The following AGO1 variants were observed in gnomAD, a reference collection of about 807,000 sequenced individuals.
AGO1 encodes the protein protein argonaute-1.
A neutral mutation model predicts 109.2 loss-of-function variants in AGO1; 11 were observed. The observed-to-expected ratio is 0.10, with a 90% CI of 0.06 to 0.17. The LOEUF is 0.17. AGO1 is among the 10% of genes least tolerant of loss of function. The pLI, the probability that AGO1 is intolerant of heterozygous loss-of-function variation, is 1.00. For synonymous variants in AGO1, 422 were observed against 418.6 expected (o/e 1.01, Z -0.10); for missense variants, 574 against 1,140.3 (o/e 0.50, Z 7.15).
Position 35,915,408 on chromosome 1 carries a change from C to A in AGO1, c.1894C>A (p.Pro632Thr). 1 of 1,614,108 alleles carries A rather than the reference C, an allele frequency of 6.2e-7. No individual in the cohort carries two copies. Among genetic ancestry groups the A allele is most frequent in the Non-Finnish European group, 8.5e-7 (1 of 1,180,016 alleles). ...CTGTGCTACTGTGCGGGTACAGCGA[C>A]CACGGCAAGAGATCATTGAAGACTT... ...RYCATVRVQR[P>T]RQEIIEDLSY... Residue 632 changes from proline to threonine, a missense_variant, in exon 15 of 19, where the codon CCA becomes ACA. Physicochemically the swap from Pro to Thr is conservative, Grantham distance 38 (BLOSUM62 -1). Around this residue, in one of 8 missense-constraint regions of AGO1, gnomAD observed 68 missense variants for 200.2 expected, o/e 0.34. Coordinates refer to ENST00000373204, the MANE Select transcript of AGO1 (RefSeq NM_012199.5).
At chr1:35,910,943 G>A (rs1645621247) in intron 12 of AGO1, among the ~76,000 whole-genome samples, 2 of 152,184 alleles carry the variant, frequency 1.3e-5, no homozygotes, top group South Asian at 4.1e-4. Context: ...GCGGGCGCCT[G>A]TAATCCCAGC....
Position 35,901,295 on chromosome 1 carries a change from G to T in AGO1, c.1021-179G>T, listed in dbSNP as rs1268325448. On this transcript the variant is annotated intron_variant, in intron 8 of 18. Coordinates refer to ENST00000373204, the MANE Select transcript of AGO1 (RefSeq NM_012199.5). This position sits in a 1 kb window ranked among gnomAD's most constrained non-coding sequence, Gnocchi z 4.8. ...CTGAATCGCCTTTTACAATGCACAC[G>T]AATATTTTCTAATTTACCTATCAAA... Among the ~76,000 whole-genome samples the T allele has an allele frequency of 6.6e-6, 1 of 152,248 alleles. No homozygotes were observed. The highest frequency in any genetic ancestry group is 2.4e-5 in the African/African-American group (1 of 41,542).
chr1:35,869,927 A>G (rs1248414744), intron 1 of AGO1: 1 of 152,246 alleles, frequency 6.6e-6, no homozygotes, highest in Non-Finnish European at 1.5e-5. Flanking sequence ...TCCGGTGTGC[A>G]TTTTAAAGCA....
chr1:35,870,500 G>A (rs1266626892), intron 1 of AGO1, among the ~76,000 whole-genome samples: 1 of 151,992 alleles, frequency 6.6e-6, no homozygotes, highest in African/African-American at 2.4e-5. Context: ...AGCCAGGATG[G>A]TCTCGATCTC....
At chr1:35,874,580 A>G (rs529907006) in intron 1 of AGO1, among the ~76,000 whole-genome samples, 2 of 152,350 alleles carry the variant, frequency 1.3e-5, no homozygotes, top group South Asian at 4.1e-4. Flanking sequence ...AAGTAGGCCA[A>G]TTAATAACCC....
At chr1:35,903,705 C>G (rs1645464233) in intron 11 of AGO1, among the ~76,000 whole-genome samples, 1 of 151,882 alleles carries the variant, frequency 6.6e-6, no homozygotes, top group African/African-American at 2.4e-5. Context: ...TGGCTCCTGC[C>G]TGTAAACCCA....
chr1:35,919,738 C>A lies in AGO1; in HGVS notation c.*131C>A. 1.3e-6 allele frequency: 1 copy of A among 777,426 alleles called. No individual in the cohort carries two copies. 48.2% of individuals were successfully genotyped at this position (777,426 alleles called of 1,614,324 possible). On this transcript the variant is annotated 3_prime_UTR_variant, in exon 19 of 19. Transcript: ENST00000373204. The surrounding 1 kb of genome is among the most constrained non-coding windows in gnomAD (Gnocchi z 6.6). ...GGAGTGTAGGATGCCTTGTTTCCTT[C>A]TATAGAGGTGGTGTAAGAGTGGGGA...
intron 13 of AGO1, 66 bp downstream of exon 13, chr1:35,914,067 A>G: frequency 2.5e-6 from 4 of 1,605,358 alleles, no homozygotes; most frequent in Non-Finnish European, 3.4e-6. Flanking sequence ...AAGAGATAGG[A>G]CCCTGGCCAG....
rs1420492800 is a variant in AGO1, at chr1:35,922,736, C to T, written c.*3129C>T. ...CTGCAGAAGACCAAGAACCTGTTCCCCAAGCCCAGAGATGTCCACCTGGGC... is the reference window on the plus strand; with the variant it reads ...CTGCAGAAGACCAAGAACCTGTTCCTCAAGCCCAGAGATGTCCACCTGGGC... On this transcript the variant is annotated 3_prime_UTR_variant, in exon 19 of 19. Coordinates refer to ENST00000373204, the MANE Select transcript of AGO1 (RefSeq NM_012199.5). 6.6e-6 allele frequency: 1 copy of T among 152,308 alleles called. No homozygotes were observed. The highest frequency in any genetic ancestry group is 1.5e-5 in the Non-Finnish European group (1 of 68,136). The allele number at this position is 152,308 out of a possible 1,614,324, so 9.4% of individuals were successfully genotyped here. A position where few individuals can be genotyped will look rare whatever the true frequency, so the allele number is the denominator to read the frequency against.
Position 35,926,139 on chromosome 1 carries a change from TAAAG to T in AGO1, c.*6535_*6538del, listed in dbSNP as rs1645922504. ...TTTATGACTCCGAGTGAGGCAGAAA[TAAAG>T]AACTTAGCAGGGGGAATAGGAGGAG... On this transcript the variant is annotated 3_prime_UTR_variant, in exon 19 of 19. Transcript: ENST00000373204. The T allele has an allele frequency of 6.6e-6, 1 of 152,130 alleles. No homozygotes were observed. The highest frequency in any genetic ancestry group is 1.5e-5 in the Non-Finnish European group (1 of 68,020). 9.4% of individuals were successfully genotyped at this position (152,130 alleles called of 1,614,324 possible).
At position 35,919,800 on chromosome 1, in the gene AGO1, C is replaced by G; in HGVS notation, c.*193C>G. ...AAGACAGACCACCAGCCAGAAATCT[C>G]TGATATCAACCTCATGTCCCCCACC... On this transcript the variant is annotated 3_prime_UTR_variant, in exon 19 of 19. Coordinates refer to ENST00000373204, the MANE Select transcript of AGO1 (RefSeq NM_012199.5). The surrounding 1 kb of genome is among the most constrained non-coding windows in gnomAD (Gnocchi z 6.6). The G allele has an allele frequency of 1.7e-6, 1 of 579,856 alleles. No homozygotes were observed. The allele number at this position is 579,856 out of a possible 1,614,324, so 35.9% of individuals were successfully genotyped here.
In AGO1 at chr1:35,893,227, T is replaced by C. The variant is rs1225740432; in HGVS notation, c.461T>C (p.Leu154Ser). The C allele has an allele frequency of 6.2e-7, 1 of 1,613,986 alleles. No homozygotes were observed. Among genetic ancestry groups the C allele is most frequent in the South Asian group, 1.1e-5 (1 of 91,082 alleles). Reference protein sequence around the residue: ...ALVSGQIPVPLESVQALDVAM... With the variant: ...ALVSGQIPVPSESVQALDVAM... ...GTCAGCGGCCAGATCCCTGTTCCCT[T>C]GGAGTCTGTGCAAGCCCTGGATGTG... Residue 154 changes from leucine (L) to serine (S), a missense_variant, in exon 4 of 19, where the codon TTG becomes TCG. Coordinates refer to ENST00000373204, the MANE Select transcript of AGO1 (RefSeq NM_012199.5). This position sits in a 1 kb window ranked among gnomAD's most constrained non-coding sequence, Gnocchi z 5.6.
Position 35,923,730 on chromosome 1 carries a change from C to G in AGO1, c.*4123C>G, listed in dbSNP as rs1645875195. ...TGGGTTGGTGCTCTCCCTTACTCTA[C>G]TCATACTGACTTAGAGCCTCTGGCT... On this transcript the variant is annotated 3_prime_UTR_variant, in exon 19 of 19. Transcript: ENST00000373204. 1 of 152,578 alleles carries G rather than the reference C, an allele frequency of 6.6e-6. No homozygotes were observed. Among genetic ancestry groups the G allele is most frequent in the Admixed American group, 6.5e-5 (1 of 15,278 alleles). 9.5% of individuals were successfully genotyped at this position (152,578 alleles called of 1,614,324 possible).
At chr1:35,902,444 G>T in intron 11 of AGO1, 107 bp downstream of exon 11, 1 of 1,396,934 alleles carries the variant, frequency 7.2e-7, no homozygotes. Context: ...GTTCTGTCTT[G>T]ACTCTGCCTG....
Position 35,927,243 on chromosome 1 carries a change from T to G in AGO1, c.*7636T>G, listed in dbSNP as rs938122072. 1.2e-4 allele frequency: 18 copies of G among 152,318 alleles called. No individual in the cohort carries two copies. Among genetic ancestry groups the G allele is most frequent in the African/African-American group, 4.1e-4 (17 of 41,570 alleles). 9.4% of individuals were successfully genotyped at this position (152,318 alleles called of 1,614,324 possible). On this transcript the variant is annotated 3_prime_UTR_variant, in exon 19 of 19. Transcript: ENST00000373204. ...GAAATAGTTTATCAGTTATCTTCAA[T>G]TGCATATTACAAAATTCTGATTAAA... is the stretch of plus-strand genomic sequence containing the variant.
In AGO1 at chr1:35,919,562, C is replaced by T. The variant is rs367549238; in HGVS notation, c.2529C>T (p.Ala843=). Reference sequence around the variant, plus strand: ...GGGACCCCCAGGCCCTGGCCAAAGCCGTGCAGGTTCACCAGGATACTCTGC... The same window carrying T: ...GGGACCCCCAGGCCCTGGCCAAAGCTGTGCAGGTTCACCAGGATACTCTGC... ...NGRDPQALAK[A]VQVHQDTLRT... Residue 843 remains alanine, a synonymous_variant, in exon 19 of 19, where the codon GCC becomes GCT. Transcript: ENST00000373204. This position sits in a 1 kb window ranked among gnomAD's most constrained non-coding sequence, Gnocchi z 6.6. 15 of 1,614,034 alleles carry T rather than the reference C, an allele frequency of 9.3e-6. No homozygotes were observed. Among genetic ancestry groups the T allele is most frequent in the South Asian group, 3.3e-5 (3 of 91,072 alleles).
At chr1:35,910,135 A>G (rs201883803) in intron 12 of AGO1, among the ~76,000 whole-genome samples, 18 of 144,424 alleles carry the variant, frequency 1.2e-4, no homozygotes, top group South Asian at 6.7e-4. Context: ...TTCCTAGGCA[A>G]TGGAGTCATT....
rs111233824 is a variant in AGO1, at chr1:35,904,763, G to T, written c.1398-2172G>T. Among the ~76,000 whole-genome samples the T allele has an allele frequency of 2.7e-3, 412 of 152,332 alleles. 1 individual carries two copies. The highest frequency in any genetic ancestry group is 4.8e-3 in the Non-Finnish European group (328 of 68,036). On this transcript the variant is annotated intron_variant, in intron 11 of 18. Coordinates refer to ENST00000373204, the MANE Select transcript of AGO1 (RefSeq NM_012199.5). ...CCAAGTCATCTATAGCAGTGGCTGA[G>T]ATTGTCCAGGGAGAATGTACATAGT...
At chr1:35,898,750 C>T (rs561220442) in intron 8 of AGO1, among the ~76,000 whole-genome samples, 1 of 152,122 alleles carries the variant, frequency 6.6e-6, no homozygotes, top group African/African-American at 2.4e-5. Flanking sequence ...TGTGAAGATT[C>T]AATTAGAAAC....
Sources: allele counts gnomAD v4.1 joint callset (sites outside exome capture counted in the v4.1 genomes callset), GRCh38; gene constraint gnomAD v4.1.1; regional missense constraint gnomAD v4.1.1; non-coding constraint Gnocchi (gnomAD v3.1); transcripts MANE v1.5; gene names NCBI Gene and HGNC (gene_info 2026-07-23, HGNC 2026-07-21).